Variants in USP43 observed in about 807,000 individuals in gnomAD.
The protein encoded by USP43 is ubiquitin carboxyl-terminal hydrolase 43.
A neutral mutation model predicts 90.7 loss-of-function variants in USP43; 33 were observed. That is an observed-to-expected ratio of 0.36 (90% CI 0.28 to 0.49). USP43 has a LOEUF of 0.49. Ranked by LOEUF, USP43 falls within the 20% of genes least tolerant of loss-of-function variation. The pLI is 0.98. For synonymous variants in USP43, 598 were observed against 615.8 expected (o/e 0.97, Z 0.43); for missense variants, 1,274 against 1,476.4 (o/e 0.86, Z 2.25).
At chr17:9,713,044 C>T (rs1916298428) in intron 14 of USP43, among the ~76,000 whole-genome samples, 1 of 152,060 alleles carries the variant, frequency 6.6e-6, no homozygotes, top group African/African-American at 2.4e-5. Flanking sequence ...TAACTGTAGT[C>T]ACCTTCCTGT....
intron 14 of USP43, among the ~76,000 whole-genome samples, chr17:9,713,969 G>A (rs562919): frequency 0.21 from 31,215 of 151,934 alleles, 4,829 homozygotes; most frequent in African/African-American, 0.43. Flanking sequence ...CACACTTGAG[G>A]TGAGGATGGT....
intron 7 of USP43, among the ~76,000 whole-genome samples, chr17:9,685,176 T>C (rs759184768): frequency 6.6e-6 from 1 of 152,294 alleles, no homozygotes; most frequent in East Asian, 1.9e-4. Context: ...TCACCTCATA[T>C]TTGTGTTCTG....
chr17:9,696,000 C>T (rs1439897910), intron 9 of USP43, among the ~76,000 whole-genome samples: 1 of 152,134 alleles, frequency 6.6e-6, no homozygotes, highest in Non-Finnish European at 1.5e-5. Flanking sequence ...TATACACCAC[C>T]TAGAAATATA....
In USP43 at chr17:9,693,204, G is replaced by A. The variant is rs773748910; in HGVS notation, c.1431G>A (p.Arg477=). 2 of 1,613,240 alleles carry A rather than the reference G, an allele frequency of 1.2e-6. No individual in the cohort carries two copies. The highest frequency in any genetic ancestry group is 1.1e-5 in the South Asian group (1 of 90,728). Residue 477 remains arginine (R), a synonymous_variant, in exon 9 of 15, where the codon CGG becomes CGA. Coordinates refer to ENST00000285199, the MANE Select transcript of USP43 (RefSeq NM_153210.5). ...GCTATTTGTCTCCGAAGGACAGTCG[G>A]CCCCTCTGTCACTGGGCAGTTGACA... is the stretch of plus-strand genomic sequence containing the variant. ...ACSYLSPKDS[R]PLCHWAVDRV...
In USP43 at chr17:9,686,956, TGCATGC is replaced by T. The variant is rs1194930047; in HGVS notation, c.1353+49_1353+54del. 2.7e-6 allele frequency: 4 copies of T among 1,493,554 alleles called. No homozygotes were observed. The highest frequency in any genetic ancestry group is 1.4e-5 in the African/African-American group (1 of 72,974). The allele number at this position is 1,493,554 out of a possible 1,614,324, so 92.5% of individuals were successfully genotyped here. On this transcript the variant is annotated intron_variant, in intron 8 of 14. Coordinates refer to ENST00000285199, the MANE Select transcript of USP43 (RefSeq NM_153210.5). This position sits in a 1 kb window ranked among gnomAD's most constrained non-coding sequence, Gnocchi z 5.5. Reference sequence around the variant, plus strand: ...GTGTGTGTGTGCGTGCATGCGCATGTGCATGCGTGTGTGTGGGTGTGTGTATTGGGA... The same window carrying T: ...GTGTGTGTGTGCGTGCATGCGCATGTGTGTGTGTGGGTGTGTGTATTGGGA...
chr17:9,718,992 G>A (rs773892083), intron 14 of USP43, among the ~76,000 whole-genome samples: 2 of 151,968 alleles, frequency 1.3e-5, no homozygotes, highest in East Asian at 1.9e-4. Context: ...GCTGGGCACC[G>A]TGGCTCATGC....
intron 14 of USP43, among the ~76,000 whole-genome samples, chr17:9,725,082 C>T (rs1228991165): frequency 1.3e-5 from 2 of 152,106 alleles, no homozygotes; most frequent in Non-Finnish European, 2.9e-5. Flanking sequence ...CAGATGTGGC[C>T]GTTCTCAAAG....
chr17:9,693,061 T>C, intron 8 of USP43, 66 bp from the exon 9 acceptor site: 1 of 1,208,440 alleles, frequency 8.3e-7, no homozygotes, highest in Non-Finnish European at 1.2e-6. Context: ...TATGCGCCCC[T>C]TTAGAGTCTA....
chr17:9,714,184 A>G (rs1209500833), intron 14 of USP43, among the ~76,000 whole-genome samples: 1 of 152,206 alleles, frequency 6.6e-6, no homozygotes, highest in Non-Finnish European at 1.5e-5. Flanking sequence ...AGCTTCGCTC[A>G]TTTGCTCACC....
chr17:9,651,588 T>C (rs1911866026), intron 1 of USP43, among the ~76,000 whole-genome samples: 2 of 152,242 alleles, frequency 1.3e-5, no homozygotes, highest in South Asian at 4.1e-4. Context: ...TATTGGAAGA[T>C]TTCGATTTAT....
In USP43 at chr17:9,701,226, T is replaced by G; in HGVS notation, c.1643T>G (p.Phe548Cys). The G allele has an allele frequency of 1.2e-6, 2 of 1,605,708 alleles. No homozygotes were observed. Among genetic ancestry groups the G allele is most frequent in the South Asian group, 2.2e-5 (2 of 89,556 alleles). The change falls in exon 11 of 15, where the codon TTC (phenylalanine) becomes TGC (cysteine). Residue 548 changes from phenylalanine (F) to cysteine (C), a missense_variant. Transcript: ENST00000285199. The surrounding 1 kb of genome is among the most constrained non-coding windows in gnomAD (Gnocchi z 7.2). The stretch of plus-strand genomic sequence containing the variant: ...TGTACCTTGGATGAATGTTTTCAGT[T>G]CTACACCAAGGAGGAGCAGGTCCCG... ...HSCTLDECFQFYTKEEQLAQD... is the reference protein window; with the variant it reads ...HSCTLDECFQCYTKEEQLAQD...
chr17:9,655,525 G>C (rs111770033), intron 1 of USP43, among the ~76,000 whole-genome samples: 4,892 of 152,282 alleles, frequency 0.032, 263 homozygotes, highest in African/African-American at 0.11. Context: ...CTTTTAGAAA[G>C]TTGGAATGTA....
chr17:9,646,483 G>T (rs1057445237), intron 1 of USP43, among the ~76,000 whole-genome samples: 1 of 152,144 alleles, frequency 6.6e-6, no homozygotes, highest in African/African-American at 2.4e-5. Context: ...GAATGATGTG[G>T]GGTAGGGAAT....
At chr17:9,662,906 C>T (rs1299944203) in intron 2 of USP43, among the ~76,000 whole-genome samples, 7 of 151,796 alleles carry the variant, frequency 4.6e-5, no homozygotes, top group Admixed American at 2.0e-4. Flanking sequence ...CAACCTCCGC[C>T]TCCTGGGCTC....
chr17:9,648,939 C>CTCTCTT (rs1491167393), intron 1 of USP43, among the ~76,000 whole-genome samples: 7,114 of 125,890 alleles, frequency 0.057, 497 homozygotes, highest in African/African-American at 0.18. Context: ...GTCTCTCTCC[C>CTCTCTT]TCTCTCTCTC....
chr17:9,657,889 C>T (rs1012826762), intron 2 of USP43, among the ~76,000 whole-genome samples: 1 of 151,000 alleles, frequency 6.6e-6, no homozygotes, highest in African/African-American at 2.5e-5. Context: ...ATTTTAACAA[C>T]ATCTGTGAAT....
intron 6 of USP43, among the ~76,000 whole-genome samples, chr17:9,681,213 C>CT (rs1157726279): frequency 2.0e-5 from 1 of 48,878 alleles, no homozygotes; most frequent in African/African-American, 1.6e-4. Context: ...ATAATATATA[C>CT]ATTATATAGA....
rs1356303081 is a variant in USP43 at position 9,728,854 on chromosome 17, C to A, written c.3236C>A (p.Ala1079Asp). ...CGCCTCCCTCGTAAAGCCAGCAGGG[C>A]CCCGAGAGGCAGTGCACTGGGCATG... ...SLRLPRKASR[A>D]PRGSALGMSQ... The change falls in exon 15 of 15, where the codon GCC becomes GAC. Residue 1079 changes from alanine to aspartate, a missense_variant. Physicochemically the swap from Ala to Asp is moderately radical, Grantham distance 126. This residue lies in a region of USP43 where 353 missense variants were observed against 329.7 expected (regional missense o/e 1.07). Transcript: ENST00000285199. The surrounding 1 kb of genome is among the most constrained non-coding windows in gnomAD (Gnocchi z 6.2). 6.2e-7 allele frequency: 1 copy of A among 1,613,918 alleles called. No homozygotes were observed. The highest frequency in any genetic ancestry group is 1.3e-5 in the African/African-American group (1 of 75,044).
intron 12 of USP43, among the ~76,000 whole-genome samples, chr17:9,703,149 T>C (rs892449649): frequency 2.0e-5 from 3 of 152,066 alleles, no homozygotes; most frequent in African/African-American, 7.2e-5. Context: ...GGCCCATATA[T>C]ATATTGGGAG....
Sources: gnomAD v4.1 joint callset for allele counts (sites outside exome capture counted in the v4.1 genomes callset) on GRCh38, gnomAD v4.1.1 for gene constraint, gnomAD v4.1.1 regional missense constraint, Gnocchi (gnomAD v3.1) non-coding constraint, MANE v1.5 for transcripts, NCBI Gene and HGNC (gene_info 2026-07-23, HGNC 2026-07-21) for gene names.